DNAH14: variants seen among roughly 807,000 people sequenced by gnomAD.
DNAH14 encodes axonemal beta dynein heavy chain 14.
In DNAH14, 478 loss-of-function variants were observed where a neutral mutation model predicts 520.9. The observed-to-expected ratio is 0.92, with a 90% CI of 0.85 to 0.99. The LOEUF is 0.99. Among genes scored for constraint, DNAH14 ranks in the 50% least tolerant of loss-of-function variants. The pLI is 0.00. For missense variants in DNAH14, 4,831 were observed against 5,234.5 expected (o/e 0.92, Z 2.38); for synonymous variants, 1,581 against 1,757.2 (o/e 0.90, Z 2.51).
intron 20 of DNAH14, among the ~76,000 whole-genome samples, 198 bp downstream of exon 20, chr1:225,082,937 C>G (rs1215365032): frequency 6.6e-6 from 1 of 151,890 alleles, no homozygotes; most frequent in Non-Finnish European, 1.5e-5. Context: ...ATTAATTATT[C>G]CATTATTATT....
chr1:225,191,485 T>C (rs1317764145), intron 37 of DNAH14, among the ~76,000 whole-genome samples: 4 of 152,064 alleles, frequency 2.6e-5, no homozygotes, highest in African/African-American at 9.7e-5. Flanking sequence ...CCTGCTACTT[T>C]CAAGATTTTG....
At chr1:224,954,350 C>A (rs988133952) in intron 2 of DNAH14, 2 of 151,712 alleles carry the variant, frequency 1.3e-5, no homozygotes, top group Admixed American at 6.6e-5. Context: ...TGCTTTTTTC[C>A]CCTTAACACT....
intron 7 of DNAH14, among the ~76,000 whole-genome samples, chr1:224,973,316 T>TCCACTA (rs11269890): frequency 0.26 from 39,530 of 151,884 alleles, 7,966 homozygotes; most frequent in African/African-American, 0.56. Context: ...CCCACTATTT[T>TCCACTA]CCCACTAGCT....
chr1:225,347,554 G>A (rs2095305565), intron 71 of DNAH14, among the ~76,000 whole-genome samples: 1 of 152,098 alleles, frequency 6.6e-6, no homozygotes, highest in Non-Finnish European at 1.5e-5. Context: ...TGTCTTGCCT[G>A]ACTCAGAATA....
In DNAH14 at chr1:225,218,641, G is replaced by A. The variant is rs925400651; in HGVS notation, c.6439+11421G>A. ...CCTAAATATGTATGCATCCAATACA[G>A]GAGAATACAAGATTCATAAAGCAAG... On this transcript the variant is annotated intron_variant, in intron 41 of 85. Transcript: ENST00000682510. 2.8e-4 allele frequency among the ~76,000 whole-genome samples: 42 copies of A among 152,274 alleles called. 1 individual carries two copies. The highest frequency in any genetic ancestry group is 9.6e-4 in the African/African-American group (40 of 41,554).
At chr1:225,172,720 T>A (rs1013164503) in intron 36 of DNAH14, among the ~76,000 whole-genome samples, 14 of 152,306 alleles carry the variant, frequency 9.2e-5, no homozygotes, top group African/African-American at 2.9e-4. Context: ...TGCCATCCTC[T>A]TCAAGCTACC....
intron 57 of DNAH14, among the ~76,000 whole-genome samples, chr1:225,304,250 A>G (rs186603699): frequency 1.1e-3 from 175 of 152,256 alleles, no homozygotes; most frequent in Non-Finnish European, 2.1e-3. Flanking sequence ...TGACCACTTT[A>G]AGAAAAAAAT....
chr1:225,034,515 TTGTGTGTGTG>T lies in DNAH14; in HGVS notation c.1359-4153_1359-4144del, dbSNP rs71170047. On this transcript the variant is annotated intron_variant, in intron 11 of 85. Coordinates refer to ENST00000682510, the MANE Select transcript of DNAH14 (RefSeq NM_001367479.1). ...ATTCATCAAGGATATTGGCTTGAAT[TTGTGTGTGTG>T]TGTGTGTGTGTGTGTGTGTGTGTGT... Among the ~76,000 whole-genome samples, 182 of 147,796 alleles carry T rather than the reference TTGTGTGTGTG, an allele frequency of 1.2e-3. 2 individuals carry two copies. The highest frequency in any genetic ancestry group is 6.9e-3 in the Middle Eastern group (2 of 290).
At chr1:225,132,020 T>C (rs2078470452) in intron 27 of DNAH14, among the ~76,000 whole-genome samples, 1 of 152,194 alleles carries the variant, frequency 6.6e-6, no homozygotes, top group Non-Finnish European at 1.5e-5. Context: ...GGTTTTTGTT[T>C]GTTTCTTTGA....
chr1:225,283,667 T>A (rs2093675014), intron 54 of DNAH14, among the ~76,000 whole-genome samples: 1 of 152,090 alleles, frequency 6.6e-6, no homozygotes, highest in Non-Finnish European at 1.5e-5. Context: ...ACTTCAACAG[T>A]ATAGTAAAAC....
chr1:225,154,238 A>T (rs2080811579), intron 34 of DNAH14, among the ~76,000 whole-genome samples: 1 of 152,108 alleles, frequency 6.6e-6, no homozygotes, highest in African/African-American at 2.4e-5. Context: ...CATTAATAAA[A>T]TCATAACATC....
chr1:225,040,138 A>G (rs956004745), intron 12 of DNAH14, among the ~76,000 whole-genome samples: 1 of 151,716 alleles, frequency 6.6e-6, no homozygotes. Context: ...ACGGGGTTTC[A>G]CCGTGTTAGC....
intron 23 of DNAH14, among the ~76,000 whole-genome samples, chr1:225,111,695 G>A (rs992026062): frequency 6.6e-6 from 1 of 151,472 alleles, no homozygotes; most frequent in Non-Finnish European, 1.5e-5. Context: ...GTTGTTTTGT[G>A]GTCTTCTCTT....
intron 54 of DNAH14, among the ~76,000 whole-genome samples, chr1:225,285,378 A>G (rs1258295611): frequency 6.6e-6 from 1 of 150,960 alleles, no homozygotes; most frequent in East Asian, 2.0e-4. Flanking sequence ...GTGAAACTCC[A>G]TCTCTACAAA....
intron 55 of DNAH14, among the ~76,000 whole-genome samples, chr1:225,298,276 C>T (rs980458275): frequency 1.3e-5 from 2 of 152,170 alleles, no homozygotes; most frequent in African/African-American, 4.8e-5. Context: ...GGGGCATGTC[C>T]TTAGTGGAGG....
intron 83 of DNAH14, among the ~76,000 whole-genome samples, chr1:225,390,375 G>A (rs1245663382): frequency 1.6e-4 from 25 of 152,144 alleles, no homozygotes; most frequent in Admixed American, 1.4e-3. Flanking sequence ...ATGCGTGGTC[G>A]TGGGGTGGAA....
chr1:225,236,349 T>A lies in DNAH14; in HGVS notation c.6519-4244T>A, dbSNP rs12044403. Among the ~76,000 whole-genome samples, 103 of 152,372 alleles carry A rather than the reference T, an allele frequency of 6.8e-4. 1 individual carries two copies. The East Asian group carries it at 0.016, about 24-fold the overall frequency. On this transcript the variant is annotated intron_variant, in intron 42 of 85. Coordinates refer to ENST00000682510, the MANE Select transcript of DNAH14 (RefSeq NM_001367479.1). ...AGTTGTGTGGTTTTGAGTGAATTTC[T>A]TAATCTTGAGCTCTAATTTGATTGT...
chr1:225,192,733 T>A lies in DNAH14; in HGVS notation c.5708T>A (p.Leu1903Ter). The A allele has an allele frequency of 2.6e-6, 4 of 1,549,524 alleles. No individual in the cohort carries two copies. Among genetic ancestry groups the A allele is most frequent in the Non-Finnish European group, 2.6e-6 (3 of 1,145,690 alleles). ...ERKGKVDICVLNPKCVTLSEL... is the reference protein window; with the variant it reads ...ERKGKVDICV Reference sequence around the variant, plus strand: ...AAAGGAAAAGTAGATATTTGTGTTTTAAATCCAAAGTGTGTCACTCTCAGT... The same window carrying A: ...AAAGGAAAAGTAGATATTTGTGTTTAAAATCCAAAGTGTGTCACTCTCAGT... Residue 1903 changes from leucine (L) to a stop codon, truncating the protein, a stop_gained, in exon 38 of 86, where the codon TTA becomes TAA. Coordinates refer to ENST00000682510, the MANE Select transcript of DNAH14 (RefSeq NM_001367479.1). LOFTEE classifies it high-confidence loss of function.
intron 43 of DNAH14, among the ~76,000 whole-genome samples, chr1:225,251,936 TAA>T (rs1304338119): frequency 2.0e-5 from 3 of 152,196 alleles, no homozygotes; most frequent in South Asian, 2.1e-4. Flanking sequence ...AATAGAAAGA[TAA>T]GTGTGATTTA....
Sources: allele counts gnomAD v4.1 joint callset (sites outside exome capture counted in the v4.1 genomes callset), GRCh38; gene constraint gnomAD v4.1.1; transcripts MANE v1.5; gene names NCBI Gene and HGNC (gene_info 2026-07-23, HGNC 2026-07-21).